Variants in NBEA observed in about 807,000 individuals in gnomAD.
NBEA encodes the protein neurobeachin.
NBEA carries 44 observed loss-of-function variants against 343.4 expected under a neutral mutation model. The observed-to-expected ratio is 0.13, with a 90% CI of 0.10 to 0.16. The LOEUF is 0.16. NBEA is among the 10% of genes least tolerant of loss of function. NBEA has a pLI of 1.00. For missense variants in NBEA, 2,555 were observed against 3,631.3 expected, an observed-to-expected ratio of 0.70 and a Z score of 7.62; for synonymous variants, 1,175 against 1,238.7, an observed-to-expected ratio of 0.95 and a Z score of 1.08.
intron 41 of NBEA, among the ~76,000 whole-genome samples, chr13:35,539,915 CAA>C (rs71081262): frequency 9.1e-4 from 36 of 39,602 alleles, no homozygotes; most frequent in East Asian, 6.2e-3. Context: ...GACTCCGTCT[CAA>C]AAAAAAAAAA....
At chr13:35,180,702 G>A (rs1045704902) in intron 28 of NBEA, among the ~76,000 whole-genome samples, 2 of 151,598 alleles carry the variant, frequency 1.3e-5, no homozygotes, top group Non-Finnish European at 3.0e-5. Flanking sequence ...AGGTTTTTGG[G>A]AAATAGTAGT....
intron 38 of NBEA, among the ~76,000 whole-genome samples, chr13:35,409,792 G>A (rs2043479608): frequency 6.6e-6 from 1 of 151,712 alleles, no homozygotes; most frequent in Non-Finnish European, 1.5e-5. Context: ...GAGGGCCGCA[G>A]CTTAACAAAG....
intron 45 of NBEA, among the ~76,000 whole-genome samples, chr13:35,575,627 C>T (rs75384710): frequency 0.2 from 30,769 of 151,990 alleles, 3,267 homozygotes; most frequent in East Asian, 0.35. Flanking sequence ...TCATACTTTA[C>T]CCCTAAATAT....
chr13:35,021,706 T>C (rs1230858776), intron 1 of NBEA, among the ~76,000 whole-genome samples: 1 of 152,150 alleles, frequency 6.6e-6, no homozygotes, highest in East Asian at 1.9e-4. Context: ...AAAAGTAATA[T>C]GCTACTTCAA....
chr13:35,670,946 T>C lies in NBEA; in HGVS notation c.8859T>C (p.Asn2953=), dbSNP rs372210318. 6.3e-7 allele frequency: 1 copy of C among 1,594,252 alleles called. No individual in the cohort carries two copies. The highest frequency in any genetic ancestry group is 1.3e-5 in the African/African-American group (1 of 74,784). The part of the protein sequence containing the change: ...GMASGSIVAF[N]IDFNRWHYEH... ...CTTCTGGTAGCATTGTAGCTTTTAATATAGATTTTAATCGGTGGCATTATG... is the reference window on the plus strand; with the variant it reads ...CTTCTGGTAGCATTGTAGCTTTTAACATAGATTTTAATCGGTGGCATTATG... Residue 2953 remains asparagine (N), a synonymous_variant, in exon 59 of 59, where the codon AAT becomes AAC. Transcript: ENST00000379939.
intron 41 of NBEA, among the ~76,000 whole-genome samples, chr13:35,514,914 A>G: frequency 6.6e-6 from 1 of 152,152 alleles, no homozygotes; most frequent in Non-Finnish European, 1.5e-5. Flanking sequence ...CTTTGCATTA[A>G]CACTGAATTG....
chr13:35,506,027 C>A (rs1359542939), intron 41 of NBEA, among the ~76,000 whole-genome samples: 1 of 151,964 alleles, frequency 6.6e-6, no homozygotes, highest in African/African-American at 2.4e-5. Context: ...TCATCAGATT[C>A]TCTTATATAT....
intron 40 of NBEA, among the ~76,000 whole-genome samples, chr13:35,466,755 C>T (rs899940977): frequency 6.6e-6 from 1 of 152,098 alleles, no homozygotes; most frequent in Non-Finnish European, 1.5e-5. Flanking sequence ...AAGTGTGAGC[C>T]ACCATGCCCA....
chr13:35,547,920 A>G (rs956012302), intron 41 of NBEA, among the ~76,000 whole-genome samples: 1 of 151,044 alleles, frequency 6.6e-6, no homozygotes, highest in African/African-American at 2.5e-5. Context: ...TGATGAAGCC[A>G]TTTATGGGAG....
chr13:35,389,087 C>T (rs1429822799), intron 38 of NBEA, among the ~76,000 whole-genome samples: 1 of 151,444 alleles, frequency 6.6e-6, no homozygotes, highest in East Asian at 1.9e-4. Context: ...TTTGCTCCCA[C>T]TCTGACCACA....
At chr13:35,273,922 A>G (rs922459102) in intron 34 of NBEA, among the ~76,000 whole-genome samples, 5 of 152,316 alleles carry the variant, frequency 3.3e-5, no homozygotes, top group African/African-American at 1.2e-4. Context: ...TCACAGCCGA[A>G]TTCTACCAGA....
intron 44 of NBEA, among the ~76,000 whole-genome samples, chr13:35,556,598 G>A (rs574922249): frequency 5.9e-5 from 9 of 151,908 alleles, no homozygotes; most frequent in African/African-American, 2.2e-4. Flanking sequence ...GATTTAAAAT[G>A]TAAGCACCTT....
At chr13:35,397,590 A>G (rs112615777) in intron 38 of NBEA, among the ~76,000 whole-genome samples, 84 of 152,232 alleles carry the variant, frequency 5.5e-4, no homozygotes, top group African/African-American at 1.9e-3. Context: ...TAGCCATTAA[A>G]TAGGTATATT....
At chr13:35,360,177 T>C (rs1328410413) in intron 38 of NBEA, among the ~76,000 whole-genome samples, 1 of 152,026 alleles carries the variant, frequency 6.6e-6, no homozygotes, top group East Asian at 1.9e-4. Flanking sequence ...GATTATTGTA[T>C]TGATTATAAA....
chr13:35,282,784 G>C (rs2035142170), intron 34 of NBEA, among the ~76,000 whole-genome samples: 1 of 151,996 alleles, frequency 6.6e-6, no homozygotes, highest in African/African-American at 2.4e-5. Context: ...CCTTATTTCA[G>C]TACCATATTC....
chr13:35,170,753 G>T (rs1255670519), intron 25 of NBEA, among the ~76,000 whole-genome samples: 3 of 151,736 alleles, frequency 2.0e-5, no homozygotes, highest in African/African-American at 4.8e-5. Context: ...TTCTAAAATG[G>T]ATAAGAAATT....
At chr13:34,994,777 C>T (rs1056562595) in intron 1 of NBEA, among the ~76,000 whole-genome samples, 1 of 152,174 alleles carries the variant, frequency 6.6e-6, no homozygotes, top group African/African-American at 2.4e-5. Flanking sequence ...AATTCTGAAT[C>T]TTGGCAGATG....
At chr13:35,497,220 A>G (rs1055598009) in intron 41 of NBEA, among the ~76,000 whole-genome samples, 6 of 152,084 alleles carry the variant, frequency 3.9e-5, no homozygotes, top group African/African-American at 1.4e-4. Context: ...TGTAGGAGAA[A>G]TTGAGGAAGT....
chr13:35,286,406 CCTTA>C (rs916120381), intron 34 of NBEA, among the ~76,000 whole-genome samples: 2 of 152,006 alleles, frequency 1.3e-5, no homozygotes, highest in African/African-American at 4.8e-5. Context: ...TCTCTTGGAT[CCTTA>C]CTTAAAGAAA....
Sources: allele counts gnomAD v4.1 joint callset (sites outside exome capture counted in the v4.1 genomes callset), GRCh38; gene constraint gnomAD v4.1.1; transcripts MANE v1.5; gene names NCBI Gene and HGNC (gene_info 2026-07-23, HGNC 2026-07-21).